Variants in KIAA0930 observed in about 807,000 individuals in gnomAD.
KIAA0930 encodes the protein uncharacterized protein KIAA0930.
In KIAA0930, 24 loss-of-function variants were observed where a neutral mutation model predicts 43.9. The observed-to-expected ratio is 0.55, with a 90% confidence interval of 0.40 to 0.77. KIAA0930 has a LOEUF of 0.77. Among genes scored for constraint, KIAA0930 ranks in the 30% least tolerant of loss-of-function variants. KIAA0930 has a pLI of 0.00. For synonymous variants in KIAA0930, 259 were observed against 216.4 expected, an observed-to-expected ratio of 1.20 and a Z score of -1.73; for missense variants, 461 against 574.2, an observed-to-expected ratio of 0.80 and a Z score of 2.02.
chr22:45,211,510 A>G, intron 2 of KIAA0930: 1 of 422,690 alleles, frequency 2.4e-6, no homozygotes, highest in Non-Finnish European at 4.2e-6. Context: ...AGAGCTCAGC[A>G]CTGTGTCTAG....
At chr22:45,198,438 G>T (rs1054975243) in intron 8 of KIAA0930, among the ~76,000 whole-genome samples, 1 of 152,214 alleles carries the variant, frequency 6.6e-6, no homozygotes, top group African/African-American at 2.4e-5. Context: ...ACGGGCCCAG[G>T]TGGGGAAGGG....
intron 5 of KIAA0930, among the ~76,000 whole-genome samples, chr22:45,204,277 G>T (rs1168169821): frequency 6.6e-6 from 1 of 152,162 alleles, no homozygotes; most frequent in Non-Finnish European, 1.5e-5. Context: ...GCCACCGTCT[G>T]GGCCCCTCCA....
rs1445248701 is a variant in KIAA0930, at chr22:45,238,740, CGTGA to C, written c.64+1896_64+1899del. Among the ~76,000 whole-genome samples the C allele has an allele frequency of 4.6e-5, 7 of 152,158 alleles. No homozygotes were observed. In the East Asian group the frequency reaches 1.2e-3, roughly 25 times the overall value. On this transcript the variant is annotated intron_variant, in intron 1 of 9. Coordinates refer to ENST00000336156, the MANE Select transcript of KIAA0930 (RefSeq NM_001009880.2). ...GCCTGGAGAAGAGACAAGGAAACAG[CGTGA>C]GTATCGTAGGCACATAAAGACCTGG...
intron 1 of KIAA0930, among the ~76,000 whole-genome samples, chr22:45,213,932 C>T (rs2083715557): frequency 6.6e-6 from 1 of 152,094 alleles, no homozygotes; most frequent in Non-Finnish European, 1.5e-5. Flanking sequence ...ATCACTTGAA[C>T]CTGGGAGGCA....
chr22:45,230,859 C>T (rs906126215), intron 1 of KIAA0930, among the ~76,000 whole-genome samples: 13 of 151,680 alleles, frequency 8.6e-5, no homozygotes, highest in African/African-American at 1.7e-4. Context: ...GGATTACAGG[C>T]GTGAGCCACG....
intron 1 of KIAA0930, among the ~76,000 whole-genome samples, chr22:45,230,717 G>A (rs941236917): frequency 6.6e-6 from 1 of 151,946 alleles, no homozygotes; most frequent in South Asian, 2.1e-4. Context: ...GAGTAGCTGG[G>A]ATTACAGGCA....
chr22:45,221,308 G>C (rs1187117204), intron 1 of KIAA0930, among the ~76,000 whole-genome samples: 1 of 152,218 alleles, frequency 6.6e-6, no homozygotes, highest in Non-Finnish European at 1.5e-5. Flanking sequence ...CAGCTTTGCA[G>C]ACCATAGCTG....
intron 1 of KIAA0930, among the ~76,000 whole-genome samples, chr22:45,225,682 C>T (rs1160048702): frequency 6.6e-6 from 1 of 152,198 alleles, no homozygotes; most frequent in African/African-American, 2.4e-5. Context: ...GCCACCTCCA[C>T]CTTTGCAGTC....
At chr22:45,200,714 G>A (rs2083580269) in intron 7 of KIAA0930, among the ~76,000 whole-genome samples, 1 of 152,254 alleles carries the variant, frequency 6.6e-6, no homozygotes, top group Non-Finnish European at 1.5e-5. Context: ...GGCAGGCACA[G>A]CACTAAGGAC....
rs1266093776 is a variant in KIAA0930 at position 45,204,066 on chromosome 22, G to A, written c.517-81C>T. ...CACAGCCTGGCCCAACTGGCAGGGA[G>A]GGCTGCTCAGAAAACCCCATTTTGC... On this transcript the variant is annotated intron_variant, in intron 5 of 9. Coordinates refer to ENST00000336156, the MANE Select transcript of KIAA0930 (RefSeq NM_001009880.2). 3.2e-6 allele frequency: 5 copies of A among 1,580,842 alleles called. No homozygotes were observed. The East Asian group carries it at 1.1e-4, about 35-fold the overall frequency.
chr22:45,204,050 G>C, intron 5 of KIAA0930, 65 bp from the exon 6 acceptor site: 1 of 1,600,304 alleles, frequency 6.2e-7, no homozygotes, highest in Non-Finnish European at 8.5e-7. Flanking sequence ...CCACAGCCTG[G>C]CCCAACTGGC....
In KIAA0930 at chr22:45,203,130, T is replaced by C. The variant is rs1346490968; in HGVS notation, c.712A>G (p.Ser238Gly). Residue 238 changes from serine (S) to glycine (G), a missense_variant, in exon 7 of 10, where the codon AGC (serine) becomes GGC (glycine). Ser to Gly is a moderately conservative substitution (Grantham distance 56). Coordinates refer to ENST00000336156, the MANE Select transcript of KIAA0930 (RefSeq NM_001009880.2). ...QKMSFGFYKYSNMEFVRMKGP... is the reference protein window; with the variant it reads ...QKMSFGFYKYGNMEFVRMKGP... The stretch of plus-strand genomic sequence containing the variant: ...TTCATGCGCACAAACTCCATGTTGC[T>C]GTACTTGTAGAAGCCAAACGACATC... 4 of 1,613,264 alleles carry C rather than the reference T, an allele frequency of 2.5e-6. No individual in the cohort carries two copies. Among genetic ancestry groups the C allele is most frequent in the Non-Finnish European group, 3.4e-6 (4 of 1,179,686 alleles).
chr22:45,211,967 C>A lies in KIAA0930; in HGVS notation c.205G>T (p.Asp69Tyr). The change falls in exon 2 of 10, where the codon GAC becomes TAC. Residue 69 changes from aspartate (D) to tyrosine (Y), a missense_variant. By Grantham distance (160) the Asp-to-Tyr change is radical. Coordinates refer to ENST00000336156, the MANE Select transcript of KIAA0930 (RefSeq NM_001009880.2). The part of the protein sequence containing the change: ...LAYSGSESGA[D>Y]GRKAAEPEVE... ...CGGGGGTCACTCACCTTCCTCCCGT[C>A]TGCACCGCTTTCGCTGCCGGAGTAC... 6.2e-7 allele frequency: 1 copy of A among 1,611,926 alleles called. No homozygotes were observed.
chr22:45,205,934 T>A (rs757379107), intron 2 of KIAA0930, 22 bp from the exon 3 acceptor site: 6 of 1,611,014 alleles, frequency 3.7e-6, no homozygotes, highest in Non-Finnish European at 5.1e-6. Context: ...AGAGCAGAAG[T>A]GAGTGCCCAG....
At position 45,205,674 on chromosome 22, in the gene KIAA0930, G is replaced by A. The variant is rs1195066956; in HGVS notation, c.370C>T (p.Arg124Cys). 11 of 1,613,964 alleles carry A rather than the reference G, an allele frequency of 6.8e-6. No individual in the cohort carries two copies. Among genetic ancestry groups the A allele is most frequent in the Non-Finnish European group, 9.3e-6 (11 of 1,180,018 alleles). Residue 124 changes from arginine (R) to cysteine (C), a missense_variant, in exon 4 of 10, where the codon CGT becomes TGT. By Grantham distance (180) the Arg-to-Cys change is radical. Transcript: ENST00000336156. ...ATGTGAATGTCCCCGCCGTCAGCAC[G>A]TGTGCACACCGCACAGGTCACCATG... is the stretch of plus-strand genomic sequence containing the variant. ...DYMVTCAVCT[R>C]ADGGDIHIHK... is the part of the protein sequence containing the mutation.
chr22:45,235,631 G>A (rs2083883980), intron 1 of KIAA0930, among the ~76,000 whole-genome samples: 1 of 152,126 alleles, frequency 6.6e-6, no homozygotes, highest in Non-Finnish European at 1.5e-5. Context: ...CCACGTGCAG[G>A]CACTGCGCCA....
chr22:45,207,927 C>A (rs2083653459), intron 2 of KIAA0930, among the ~76,000 whole-genome samples: 1 of 152,238 alleles, frequency 6.6e-6, no homozygotes, highest in Non-Finnish European at 1.5e-5. Flanking sequence ...TGCTGTTCCT[C>A]CTGGTCTCGC....
intron 1 of KIAA0930, among the ~76,000 whole-genome samples, chr22:45,235,085 G>A (rs1218359505): frequency 6.6e-6 from 1 of 152,080 alleles, no homozygotes; most frequent in Non-Finnish European, 1.5e-5. Flanking sequence ...CAGCAGCCTA[G>A]TGGTGTGGCT....
chr22:45,202,902 T>C lies in KIAA0930; in HGVS notation c.852+88A>G, dbSNP rs2083601711. ...TGGTGGTTGGGGATGACAACACCTA[T>C]GTCCCCAGGGGGCCGTGAGCACGGG... is the stretch of plus-strand genomic sequence containing the variant. On this transcript the variant is annotated intron_variant, in intron 7 of 9. Coordinates refer to ENST00000336156, the MANE Select transcript of KIAA0930 (RefSeq NM_001009880.2). The C allele has an allele frequency of 4.4e-6, 5 of 1,138,264 alleles. No individual in the cohort carries two copies. In the East Asian group the frequency reaches 7.7e-5, roughly 18 times the overall value. 70.5% of individuals were successfully genotyped at this position (1,138,264 alleles called of 1,614,324 possible). A position where few individuals can be genotyped will look rare whatever the true frequency, so the allele number is the denominator to read the frequency against.
Sources: gnomAD v4.1 joint callset for allele counts (sites outside exome capture counted in the v4.1 genomes callset) on GRCh38, gnomAD v4.1.1 for gene constraint, MANE v1.5 for transcripts, NCBI Gene and HGNC (gene_info 2026-07-23, HGNC 2026-07-21) for gene names.